CEP41: variants seen among roughly 807,000 people sequenced by gnomAD.
The protein encoded by CEP41 is centrosomal protein of 41 kDa.
A neutral mutation model predicts 44.3 loss-of-function variants in CEP41; 32 were observed. That is an observed-to-expected ratio of 0.72 (90% CI 0.54 to 0.97). The LOEUF is 0.97. Ranked by LOEUF, CEP41 falls within the 50% of genes least tolerant of loss-of-function variation. CEP41 has a pLI of 0.00. For synonymous variants in CEP41, 151 were observed against 168.5 expected, an observed-to-expected ratio of 0.90 and a Z score of 0.80; for missense variants, 432 against 455.2, an observed-to-expected ratio of 0.95 and a Z score of 0.46.
At chr7:130,429,436 G>T (rs782570265) in intron 1 of CEP41, among the ~76,000 whole-genome samples, 3 of 152,226 alleles carry the variant, frequency 2.0e-5, no homozygotes, top group Non-Finnish European at 4.4e-5. Context: ...AAGCCATTAA[G>T]TGAGGAGAAG....
intron 5 of CEP41, among the ~76,000 whole-genome samples, chr7:130,409,413 T>C (rs1268948850): frequency 6.6e-6 from 1 of 152,234 alleles, no homozygotes; most frequent in Non-Finnish European, 1.5e-5. Context: ...CCAGTTAAAA[T>C]TGGAGTACTT....
chr7:130,424,426 TG>T (rs1383231958), intron 2 of CEP41, among the ~76,000 whole-genome samples: 15 of 149,170 alleles, frequency 1.0e-4, no homozygotes, highest in African/African-American at 3.7e-4. Context: ...AAAAAGAAAG[TG>T]GGCATAGTCA....
At chr7:130,413,690 T>C (rs1797252507) in intron 3 of CEP41, among the ~76,000 whole-genome samples, 1 of 152,252 alleles carries the variant, frequency 6.6e-6, no homozygotes, top group Non-Finnish European at 1.5e-5. Flanking sequence ...TTCATAATTC[T>C]TCCCATCACA....
At chr7:130,399,285 C>G (rs1450712137) in intron 10 of CEP41, 2 of 537,860 alleles carry the variant, frequency 3.7e-6, no homozygotes, top group East Asian at 6.7e-5. Context: ...CTCCAACATC[C>G]CCAACAAACC....
At chr7:130,412,379 A>C (rs928557180) in intron 3 of CEP41, 139 bp from the exon 4 acceptor site, 1 of 616,998 alleles carries the variant, frequency 1.6e-6, no homozygotes, top group Non-Finnish European at 2.9e-6. Flanking sequence ...TGATATCATC[A>C]AAATTAGGTG....
At chr7:130,438,728 G>C (rs1798050382) in intron 1 of CEP41, among the ~76,000 whole-genome samples, 1 of 152,002 alleles carries the variant, frequency 6.6e-6, no homozygotes, top group African/African-American at 2.4e-5. Flanking sequence ...ATCCTGACCA[G>C]CAGACAAGAT....
chr7:130,431,873 T>C (rs1307606324), intron 1 of CEP41, among the ~76,000 whole-genome samples: 1 of 152,158 alleles, frequency 6.6e-6, no homozygotes, highest in Non-Finnish European at 1.5e-5. Context: ...TGTAGATCAG[T>C]GGATCTCGAA....
intron 2 of CEP41, among the ~76,000 whole-genome samples, chr7:130,424,122 C>A (rs1797590584): frequency 6.6e-6 from 1 of 152,142 alleles, no homozygotes; most frequent in African/African-American, 2.4e-5. Flanking sequence ...AAAGGCTGGG[C>A]ACTGTAGCTC....
chr7:130,423,685 T>A (rs550237728), intron 2 of CEP41, among the ~76,000 whole-genome samples: 2 of 152,356 alleles, frequency 1.3e-5, no homozygotes, highest in Admixed American at 1.3e-4. Flanking sequence ...TTAGCAGCAC[T>A]ATGTCCAGTA....
At chr7:130,410,871 A>G (rs1317933547) in intron 5 of CEP41, 3 of 557,504 alleles carry the variant, frequency 5.4e-6, no homozygotes, top group Non-Finnish European at 9.6e-6. Flanking sequence ...TGTTGAAAAA[A>G]GTAATTAGTA....
intron 2 of CEP41, chr7:130,419,649 A>G (rs1584891744): frequency 7.3e-6 from 7 of 955,294 alleles, no homozygotes; most frequent in Non-Finnish European, 5.0e-6. Context: ...GATCAAAAAG[A>G]AAAAAAAAAG....
At chr7:130,426,460 CTA>C (rs1797666553) in intron 2 of CEP41, among the ~76,000 whole-genome samples, 1 of 149,446 alleles carries the variant, frequency 6.7e-6, no homozygotes, top group African/African-American at 2.4e-5. Context: ...AAAAAACAAA[CTA>C]TGAAGGCATA....
chr7:130,398,764 A>G lies in CEP41; in HGVS notation c.*127T>C, dbSNP rs782783238. The G allele has an allele frequency of 1.7e-5, 19 of 1,098,532 alleles. No homozygotes were observed. The highest frequency in any genetic ancestry group is 2.0e-4 in the Middle Eastern group (1 of 5,112). The allele number at this position is 1,098,532 out of a possible 1,614,324, so 68.0% of individuals were successfully genotyped here. A position where few individuals can be genotyped will look rare whatever the true frequency, so the allele number is the denominator to read the frequency against. ...GGAACTGGAGACAGGGACAGGGAAG[A>G]GGCCTATCCCATACATATGTCATGG... On this transcript the variant is annotated 3_prime_UTR_variant, in exon 11 of 11. Transcript: ENST00000223208.
rs1554414675 is a variant in CEP41 at position 130,396,635 on chromosome 7, A to G, written c.*2256T>C. ...ATTAATCTAATGAAGAAACTGGCAA[A>G]GTAGAATGTTAAAAGCAATACCTCG... On this transcript the variant is annotated 3_prime_UTR_variant, in exon 11 of 11. Transcript: ENST00000223208. The G allele has an allele frequency of 1.5e-5, 7 of 454,468 alleles. No homozygotes were observed. Among genetic ancestry groups the G allele is most frequent in the Non-Finnish European group, 3.1e-5 (7 of 226,806 alleles). The allele number at this position is 454,468 out of a possible 1,614,324, so 28.2% of individuals were successfully genotyped here.
chr7:130,412,206 T>C lies in CEP41; in HGVS notation c.180A>G (p.Arg60=), dbSNP rs781979823. The C allele has an allele frequency of 9.6e-6, 15 of 1,554,608 alleles. No individual in the cohort carries two copies. Among genetic ancestry groups the C allele is most frequent in the East Asian group, 2.2e-5 (1 of 44,482 alleles). Residue 60 remains arginine (R), a synonymous_variant, in exon 4 of 11, where the codon AGA becomes AGG. Coordinates refer to ENST00000223208, the MANE Select transcript of CEP41 (RefSeq NM_018718.3). ...YRYKKDELFK[R]LKVTTFAQLI... ...GCTGGGCAAAAGTTGTAACTTTTAG[T>C]CTCTTGAAAAGCTCATCTTTTTTGT...
Position 130,398,884 on chromosome 7 carries a change from A to C in CEP41, c.*7T>G, listed in dbSNP as rs1408028952. On this transcript the variant is annotated 3_prime_UTR_variant, in exon 11 of 11. Transcript: ENST00000223208. Reference sequence around the variant, plus strand: ...GAACATTTATTTGCCTAAGTGAGACAAAGTCTTTACTTCCAGGGTTTGCCT... The same window carrying C: ...GAACATTTATTTGCCTAAGTGAGACCAAGTCTTTACTTCCAGGGTTTGCCT... 4.3e-6 allele frequency: 7 copies of C among 1,614,100 alleles called. No individual in the cohort carries two copies.
At chr7:130,432,589 A>AAG (rs1491506431) in intron 1 of CEP41, among the ~76,000 whole-genome samples, 2 of 87,280 alleles carry the variant, frequency 2.3e-5, no homozygotes, top group Non-Finnish European at 4.6e-5. Flanking sequence ...TTGTTTCCAC[A>AAG]AAAAAAAAAA....
intron 2 of CEP41, chr7:130,426,565 T>A (rs782726070): frequency 4.6e-6 from 2 of 434,382 alleles, no homozygotes; most frequent in South Asian, 3.3e-5. Context: ...TCCTTTATAG[T>A]AGTCTGTAAA....
chr7:130,437,646 A>G (rs145650171), intron 1 of CEP41, among the ~76,000 whole-genome samples: 1,643 of 151,086 alleles, frequency 0.011, 18 homozygotes, highest in Non-Finnish European at 0.013. Flanking sequence ...GATGACACAC[A>G]CCTGTGGTCC....
Sources: gnomAD v4.1 joint callset for allele counts (sites outside exome capture counted in the v4.1 genomes callset) on GRCh38, gnomAD v4.1.1 for gene constraint, MANE v1.5 for transcripts, NCBI Gene and HGNC (gene_info 2026-07-23, HGNC 2026-07-21) for gene names.